Variants in UNC79 observed in about 807,000 individuals in gnomAD.
UNC79 encodes protein unc-79 homolog.
A neutral mutation model predicts 283.1 loss-of-function variants in UNC79; 37 were observed. The ratio of observed to expected loss-of-function variants is 0.13; its 90% confidence interval spans 0.10 to 0.17. The LOEUF is 0.17. Ranked by LOEUF, UNC79 falls within the 10% of genes least tolerant of loss-of-function variation. The probability of loss-of-function intolerance (pLI) is 1.00; values close to 1 mark genes in which losing one functional copy is unlikely to be tolerated. For missense variants in UNC79, 2,272 were observed against 3,211.1 expected (o/e 0.71, Z 7.07); for synonymous variants, 1,107 against 1,200.2 (o/e 0.92, Z 1.61).
chr14:93,707,680 G>A (rs1189839276), downstream of UNC79: 1 of 152,200 alleles, frequency 6.6e-6, no homozygotes, highest in Admixed American at 6.5e-5. Context: ...ACAGTGCCCT[G>A]CACCTGGAGT....
In UNC79 at chr14:93,622,222, T is replaced by C. The variant is rs764651064; in HGVS notation, c.4989T>C (p.Asn1663=). The C allele has an allele frequency of 6.2e-6, 10 of 1,613,954 alleles. No individual in the cohort carries two copies. In the African/African-American group the frequency reaches 6.7e-5, roughly 11 times the overall value. ...GCGATGACGGCCCCTCCGGTAAAAA[T>C]GCTGCCTCTTCTCCCTCCGTCCCCA... The change falls in exon 30 of 49, where the codon AAT becomes AAC. Residue 1663 remains asparagine, a synonymous_variant. Transcript: ENST00000555664.
At chr14:93,439,877 T>A (rs1595482344) in intron 1 of UNC79, among the ~76,000 whole-genome samples, 1 of 152,110 alleles carries the variant, frequency 6.6e-6, no homozygotes, top group East Asian at 1.9e-4. Flanking sequence ...TTCAAATTTG[T>A]TTGCATAGAA....
chr14:93,545,636 TCTTA>T, intron 14 of UNC79, among the ~76,000 whole-genome samples: 1 of 152,324 alleles, frequency 6.6e-6, no homozygotes, highest in Non-Finnish European at 1.5e-5. Context: ...ATAAAGTCAA[TCTTA>T]GTTCCTTAAA....
intron 19 of UNC79, among the ~76,000 whole-genome samples, chr14:93,580,740 C>G (rs1201244322): frequency 6.6e-6 from 1 of 152,120 alleles, no homozygotes; most frequent in Non-Finnish European, 1.5e-5. Flanking sequence ...GTGCCTTACT[C>G]TGTCTCCTAT....
At chr14:93,580,082 C>G in intron 18 of UNC79, 67 bp from the exon 19 acceptor site, 1 of 1,431,654 alleles carries the variant, frequency 7.0e-7, no homozygotes, top group South Asian at 1.4e-5. Flanking sequence ...GACAAATGGA[C>G]CAAACTCCTT....
At chr14:93,603,174 G>T (rs2065636823) in intron 25 of UNC79, 65 bp from the exon 26 acceptor site, 1 of 1,556,200 alleles carries the variant, frequency 6.4e-7, no homozygotes, top group African/African-American at 1.4e-5. Context: ...GATTGTTTTA[G>T]ACTAGGTGGA....
At chr14:93,643,530 G>A (rs773202430) in intron 33 of UNC79, 27 bp from the exon 37 acceptor site, 6 of 1,613,448 alleles carry the variant, frequency 3.7e-6, no homozygotes, top group South Asian at 3.3e-5. Context: ...TTCTTTCATG[G>A]AAAGCATGTC....
At chr14:93,443,371 T>C (rs2056367458) in intron 1 of UNC79, among the ~76,000 whole-genome samples, 1 of 152,028 alleles carries the variant, frequency 6.6e-6, no homozygotes, top group African/African-American at 2.4e-5. Flanking sequence ...TTGCCTTTTA[T>C]AGAATTTCAT....
At chr14:93,482,280 T>C (rs1263681785) in intron 4 of UNC79, among the ~76,000 whole-genome samples, 1 of 152,162 alleles carries the variant, frequency 6.6e-6, no homozygotes, top group Non-Finnish European at 1.5e-5. Context: ...ATAAAAATAA[T>C]GATTGTAGCA....
At chr14:93,393,004 C>T (rs2054914358) in intron 1 of UNC79, among the ~76,000 whole-genome samples, 1 of 152,036 alleles carries the variant, frequency 6.6e-6, no homozygotes, top group East Asian at 1.9e-4. Flanking sequence ...CTGGGAATTC[C>T]AAGATTGAGA....
chr14:93,633,490 C>T (rs2068219683), intron 31 of UNC79, among the ~76,000 whole-genome samples: 1 of 152,134 alleles, frequency 6.6e-6, no homozygotes. Flanking sequence ...TGCGGTCATC[C>T]CGGTCTCTAC....
intron 35 of UNC79, among the ~76,000 whole-genome samples, chr14:93,650,103 T>G (rs2070083501): frequency 6.6e-6 from 1 of 152,238 alleles, no homozygotes; most frequent in Non-Finnish European, 1.5e-5. Flanking sequence ...CTTCTGTTAC[T>G]CAGCATGATG....
chr14:93,508,965 C>T (rs2059682106), intron 7 of UNC79, among the ~76,000 whole-genome samples: 1 of 152,060 alleles, frequency 6.6e-6, no homozygotes, highest in African/African-American at 2.4e-5. Context: ...AAAGAAATAC[C>T]TGAAACTTGT....
intron 5 of UNC79, 136 bp from the exon 6 acceptor site, chr14:93,496,275 A>G (rs2059008446): frequency 1.8e-6 from 1 of 548,184 alleles, no homozygotes; most frequent in Non-Finnish European, 3.1e-6. Flanking sequence ...GTATGAATAT[A>G]TGGAGAGAAG....
chr14:93,529,763 T>C (rs977796702), intron 10 of UNC79, among the ~76,000 whole-genome samples: 9 of 152,146 alleles, frequency 5.9e-5, no homozygotes, highest in Non-Finnish European at 1.3e-4. Flanking sequence ...GGGAAATCAT[T>C]GAATGTCTCT....
chr14:93,415,945 A>G (rs2140059091), intron 1 of UNC79, among the ~76,000 whole-genome samples: 1 of 152,034 alleles, frequency 6.6e-6, no homozygotes, highest in Admixed American at 6.6e-5. Context: ...CAGTCTATCA[A>G]TTTTGTTGAT....
At chr14:93,466,932 T>A in intron 1 of UNC79, 1 of 984,696 alleles carries the variant, frequency 1.0e-6, no homozygotes, top group Non-Finnish European at 1.2e-6. Flanking sequence ...ATCTATTGAG[T>A]CCCTCCTGAA....
At chr14:93,334,145 C>G (rs1168279701) in intron 1 of UNC79, among the ~76,000 whole-genome samples, 1 of 152,232 alleles carries the variant, frequency 6.6e-6, no homozygotes, top group Non-Finnish European at 1.5e-5. Flanking sequence ...TTTTAACCAT[C>G]TCTTGACCCT....
intron 1 of UNC79, among the ~76,000 whole-genome samples, chr14:93,451,607 A>T (rs141521499): frequency 6.6e-6 from 1 of 152,242 alleles, no homozygotes; most frequent in African/African-American, 2.4e-5. Context: ...AGTTGAGGAG[A>T]GGTGCTCTCT....
Sources: gnomAD v4.1 joint callset for allele counts (sites outside exome capture counted in the v4.1 genomes callset) on GRCh38, gnomAD v4.1.1 for gene constraint, MANE v1.5 for transcripts, NCBI Gene and HGNC (gene_info 2026-07-23, HGNC 2026-07-21) for gene names.